Variants in IL7 observed in about 807,000 individuals in gnomAD.
The protein encoded by IL7 is interleukin-7.
IL7 carries 3 observed loss-of-function variants against 21.6 expected under a neutral mutation model. The ratio of observed to expected loss-of-function variants is 0.14; its 90% CI spans 0.06 to 0.36. The LOEUF (loss-of-function observed/expected upper bound fraction) is 0.36, where lower values mean the gene tolerates loss of function less well. IL7 is among the 10% of genes least tolerant of loss of function. The pLI is 1.00. For missense variants in IL7, 175 were observed against 200.2 expected (o/e 0.87, Z 0.76); for synonymous variants, 62 against 68.1 (o/e 0.91, Z 0.44).
At chr8:78,735,101 G>T (rs748684002) in intron 5 of IL7, among the ~76,000 whole-genome samples, 1 of 151,686 alleles carries the variant, frequency 6.6e-6, no homozygotes, top group Non-Finnish European at 1.5e-5. Flanking sequence ...GGGGGTCCTG[G>T]ACAATTTTTT....
At chr8:78,683,727 C>T (rs1456986689) in intron 4 of IL7, among the ~76,000 whole-genome samples, 2 of 152,136 alleles carry the variant, frequency 1.3e-5, no homozygotes, top group Non-Finnish European at 2.9e-5. Context: ...ATGAATTTCT[C>T]CCCAGGAAAT....
intron 2 of IL7, among the ~76,000 whole-genome samples, chr8:78,781,536 A>G (rs1041393740): frequency 5.9e-5 from 9 of 152,150 alleles, no homozygotes; most frequent in African/African-American, 2.2e-4. Flanking sequence ...AGAGTGTTGA[A>G]TATTGGCCCC....
At chr8:78,712,125 G>A in intron 3 of IL7, 1 of 1,253,246 alleles carries the variant, frequency 8.0e-7, no homozygotes, top group Non-Finnish European at 1.0e-6. Context: ...TTGTAACTCA[G>A]TTTGGTTAAT....
intron 2 of IL7, among the ~76,000 whole-genome samples, chr8:78,757,567 C>A (rs2130751693): frequency 6.6e-6 from 1 of 152,020 alleles, no homozygotes; most frequent in African/African-American, 2.4e-5. Context: ...TCTTAGTGCT[C>A]CAGTGTTGAG....
intron 2 of IL7, among the ~76,000 whole-genome samples, chr8:78,762,971 G>C (rs1812628387): frequency 6.6e-6 from 1 of 152,106 alleles, no homozygotes; most frequent in African/African-American, 2.4e-5. Context: ...AAGATGTTTT[G>C]GCTTTAATTC....
At chr8:78,697,950 T>A (rs970787917) in intron 3 of IL7, among the ~76,000 whole-genome samples, 4 of 152,200 alleles carry the variant, frequency 2.6e-5, no homozygotes, top group Admixed American at 2.0e-4. Context: ...AGTGCTGAGA[T>A]TACTGGCGTG....
intron 3 of IL7, among the ~76,000 whole-genome samples, chr8:78,695,757 G>C (rs527649277): frequency 2.6e-5 from 4 of 152,170 alleles, no homozygotes; most frequent in Middle Eastern, 3.4e-3. Flanking sequence ...AAGTCTCATA[G>C]ACATTTGTTA....
At chr8:78,754,810 C>T (rs1011317022) in intron 2 of IL7, among the ~76,000 whole-genome samples, 1 of 152,032 alleles carries the variant, frequency 6.6e-6, no homozygotes, top group Non-Finnish European at 1.5e-5. Context: ...TAATTATTTC[C>T]ATTGCTGTGT....
At chr8:78,729,487 T>A (rs114486532), downstream of IL7, among the ~76,000 whole-genome samples, 1,162 of 152,150 alleles carry the variant, frequency 7.6e-3, 15 homozygotes, top group African/African-American at 0.026. Context: ...TTACCCCGAG[T>A]GAAAGTAACA....
At chr8:78,682,755 A>G (rs1477586094) in intron 4 of IL7, among the ~76,000 whole-genome samples, 1 of 152,190 alleles carries the variant, frequency 6.6e-6, no homozygotes, top group East Asian at 1.9e-4. Context: ...TTTCAGCATT[A>G]ACCCTAAAGT....
rs886849778 is a variant in IL7 at position 78,760,451 on chromosome 8, G to C, written c.148-20369C>G. 1.9e-5 allele frequency: 30 copies of C among 1,569,380 alleles called. No homozygotes were observed. The African/African-American group carries it at 2.6e-4, about 14-fold the overall frequency. On this transcript the variant is annotated intron_variant, in intron 2 of 5. Coordinates refer to ENST00000263851, the MANE Select transcript of IL7 (RefSeq NM_000880.4). ...TTGGAGGGCTTCATAGATGGTGGAC[G>C]GAAGCTCTATATCTTTCCCCCTGTG...
chr8:78,680,227 T>C (rs1809726546), intron 4 of IL7, among the ~76,000 whole-genome samples: 1 of 137,164 alleles, frequency 7.3e-6, no homozygotes, highest in Non-Finnish European at 1.5e-5. Context: ...AATTGAATTC[T>C]AGAAAAAAGC....
At chr8:78,767,206 T>C (rs928705648) in intron 2 of IL7, among the ~76,000 whole-genome samples, 14 of 151,812 alleles carry the variant, frequency 9.2e-5, no homozygotes, top group African/African-American at 3.4e-4. Flanking sequence ...ATATAGTGCA[T>C]ACAGTGTGAG....
intron 2 of IL7, among the ~76,000 whole-genome samples, chr8:78,758,022 C>T (rs1812410282): frequency 6.6e-6 from 1 of 152,040 alleles, no homozygotes; most frequent in Non-Finnish European, 1.5e-5. Flanking sequence ...CCTTGTTTTA[C>T]ACCATGACTG....
At chr8:78,759,977 C>A (rs981906642) in intron 2 of IL7, among the ~76,000 whole-genome samples, 9 of 152,204 alleles carry the variant, frequency 5.9e-5, no homozygotes, top group African/African-American at 2.2e-4. Context: ...GTCTTCAAAG[C>A]TTGAGAGTTC....
At chr8:78,697,493 C>A in intron 3 of IL7, 2 of 1,607,192 alleles carry the variant, frequency 1.2e-6, no homozygotes, top group Non-Finnish European at 1.7e-6. Flanking sequence ...GTGGCGCTGG[C>A]AAAACTGTTG....
chr8:78,790,382 GATATTTA>G (rs1354201532), intron 2 of IL7, among the ~76,000 whole-genome samples: 8 of 152,068 alleles, frequency 5.3e-5, no homozygotes, highest in Non-Finnish European at 1.2e-4. Flanking sequence ...AAAAGTACCT[GATATTTA>G]ATTCATAACA....
intron 3 of IL7, among the ~76,000 whole-genome samples, chr8:78,693,434 T>A (rs1355874993): frequency 6.6e-6 from 1 of 152,226 alleles, no homozygotes; most frequent in Non-Finnish European, 1.5e-5. Flanking sequence ...CTAACTGGTG[T>A]GAGATGGTAT....
At position 78,733,603 on chromosome 8, in the gene IL7, T is replaced by C; in HGVS notation, c.*110A>G. The C allele has an allele frequency of 8.9e-7, 1 of 1,122,012 alleles. No homozygotes were observed. Among genetic ancestry groups the C allele is most frequent in the South Asian group, 1.5e-5 (1 of 68,760 alleles). The allele number at this position is 1,122,012 out of a possible 1,614,324, so 69.5% of individuals were successfully genotyped here. A position where few individuals can be genotyped will look rare whatever the true frequency, so the allele number is the denominator to read the frequency against. On this transcript the variant is annotated 3_prime_UTR_variant, in exon 6 of 6. Coordinates refer to ENST00000263851, the MANE Select transcript of IL7 (RefSeq NM_000880.4). ...ATGCCCTAATCCGTTTTGACCATGG[T>C]GCATTCAGTAACTTCTAGGAAGCAT...
Sources: allele counts gnomAD v4.1 joint callset (sites outside exome capture counted in the v4.1 genomes callset), GRCh38; gene constraint gnomAD v4.1.1; transcripts MANE v1.5; gene names NCBI Gene and HGNC (gene_info 2026-07-23, HGNC 2026-07-21).